Variants in BBS7 observed in about 807,000 individuals in gnomAD.
BBS7 encodes the protein Bardet-Biedl syndrome 7, also known as BBSome complex member BBS7.
A neutral mutation model predicts 90.3 loss-of-function variants in BBS7; 50 were observed. The ratio of observed to expected loss-of-function variants is 0.55; its 90% CI spans 0.44 to 0.70. The LOEUF (loss-of-function observed/expected upper bound fraction) is 0.70. Ranked by LOEUF, BBS7 falls within the 30% of genes least tolerant of loss-of-function variation. The probability of loss-of-function intolerance (pLI) is 0.00; values close to 1 mark genes in which losing one functional copy is unlikely to be tolerated. For synonymous variants in BBS7, 235 were observed against 287.4 expected, an observed-to-expected ratio of 0.82 and a Z score of 1.85; for missense variants, 729 against 838.9, an observed-to-expected ratio of 0.87 and a Z score of 1.62.
At chr4:121,862,200 T>C (rs1411255926) in intron 3 of BBS7, among the ~76,000 whole-genome samples, 1 of 152,206 alleles carries the variant, frequency 6.6e-6, no homozygotes, top group Non-Finnish European at 1.5e-5. Context: ...TTTTAATAGT[T>C]AAAGGACTAT....
chr4:121,851,436 AAGGGAGGG>A (rs1020490640), intron 8 of BBS7, among the ~76,000 whole-genome samples: 1 of 137,594 alleles, frequency 7.3e-6, no homozygotes, highest in African/African-American at 2.6e-5. Flanking sequence ...GGAAGGAGGG[AAGGGAGGG>A]AGGGAGGGGA....
At chr4:121,869,267 G>C (rs866445675) in intron 1 of BBS7, among the ~76,000 whole-genome samples, 1 of 152,214 alleles carries the variant, frequency 6.6e-6, no homozygotes, top group Admixed American at 6.5e-5. Flanking sequence ...CTAAAAATAT[G>C]ATGAGGAATT....
In BBS7 at chr4:121,848,833, AT is replaced by A; in HGVS notation, c.934+10del. On this transcript the variant is annotated intron_variant, in intron 9 of 18. Transcript: ENST00000264499. Reference sequence around the variant, plus strand: ...ACTCTTTCTTCAATTACCTATTATCATTTACTTTACCTGAATATGTGGACAC... The same window carrying A: ...ACTCTTTCTTCAATTACCTATTATCATTACTTTACCTGAATATGTGGACAC... The A allele has an allele frequency of 6.2e-7, 1 of 1,607,664 alleles. No homozygotes were observed.
chr4:121,852,451 T>G (rs1319416932), intron 8 of BBS7, among the ~76,000 whole-genome samples: 1 of 152,170 alleles, frequency 6.6e-6, no homozygotes, highest in Non-Finnish European at 1.5e-5. Context: ...TGAGTTTAAT[T>G]ACATTTAAAA....
intron 8 of BBS7, among the ~76,000 whole-genome samples, chr4:121,849,838 T>TA (rs543871521): frequency 2.0e-5 from 3 of 151,384 alleles, no homozygotes; most frequent in East Asian, 1.9e-4. Flanking sequence ...AAAATAAAAA[T>TA]AAAAAAAAAT....
chr4:121,835,393 A>T lies in BBS7; in HGVS notation c.1372-110T>A. Reference sequence around the variant, plus strand: ...ACTTAAAATTCACTAATATGTGAAGACCTAATTTAAGAGGAGTTGGAAAGC... The same window carrying T: ...ACTTAAAATTCACTAATATGTGAAGTCCTAATTTAAGAGGAGTTGGAAAGC... On this transcript the variant is annotated intron_variant, in intron 13 of 18. Coordinates refer to ENST00000264499, the MANE Select transcript of BBS7 (RefSeq NM_176824.3). 5.4e-6 allele frequency: 7 copies of T among 1,297,826 alleles called. No homozygotes were observed. The South Asian group carries it at 9.2e-5, about 17-fold the overall frequency. 80.4% of individuals were successfully genotyped at this position (1,297,826 alleles called of 1,614,324 possible).
At chr4:121,828,007 G>T in intron 18 of BBS7, 139 bp downstream of exon 18, 1 of 1,485,108 alleles carries the variant, frequency 6.7e-7, no homozygotes, top group Non-Finnish European at 8.9e-7. Context: ...TAAATTTGTT[G>T]TCAACTGATT....
chr4:121,846,409 A>C (rs1726014017), intron 10 of BBS7, among the ~76,000 whole-genome samples: 1 of 152,188 alleles, frequency 6.6e-6, no homozygotes, highest in South Asian at 2.1e-4. Context: ...TAATGAACAA[A>C]GGAAAAGATT....
intron 5 of BBS7, 114 bp downstream of exon 5, chr4:121,858,878 A>G: frequency 1.0e-6 from 1 of 967,714 alleles, no homozygotes; most frequent in Non-Finnish European, 1.5e-6. Flanking sequence ...AATTGTTTCC[A>G]CATGTTTATA....
intron 4 of BBS7, among the ~76,000 whole-genome samples, chr4:121,859,389 C>T (rs1274366430): frequency 2.0e-5 from 3 of 151,910 alleles, no homozygotes; most frequent in Non-Finnish European, 2.9e-5. Flanking sequence ...GTTAAGGCCT[C>T]GGGCTTCTCA....
At chr4:121,854,847 ATATTT>A (rs1433968001) in intron 6 of BBS7, 27 bp from the exon 7 acceptor site, 21 of 1,587,792 alleles carry the variant, frequency 1.3e-5, no homozygotes, top group Admixed American at 1.7e-5. Context: ...TCAACATATT[ATATTT>A]ATCCTACAAT....
At chr4:121,848,656 T>C (rs1221724773) in intron 9 of BBS7, among the ~76,000 whole-genome samples, 188 bp downstream of exon 9, 2 of 152,214 alleles carry the variant, frequency 1.3e-5, no homozygotes, top group African/African-American at 4.8e-5. Flanking sequence ...GGAAAAAATA[T>C]AATATATATA....
intron 1 of BBS7, among the ~76,000 whole-genome samples, chr4:121,869,032 T>G (rs1423954625): frequency 6.6e-6 from 1 of 152,154 alleles, no homozygotes; most frequent in Non-Finnish European, 1.5e-5. Context: ...GAGATGAAGC[T>G]GGAGTTCAGG....
chr4:121,828,818 A>G, intron 15 of BBS7, 90 bp from the exon 16 acceptor site: 1 of 798,138 alleles, frequency 1.3e-6, no homozygotes, highest in South Asian at 1.9e-5. Flanking sequence ...TAGAGTATAG[A>G]TTTCATTTGA....
Position 121,833,327 on chromosome 4 carries a change from C to CA in BBS7, c.1579dup (p.Cys527LeufsTer4), listed in dbSNP as rs751454645. On this transcript the variant is annotated frameshift_variant, in exon 15 of 19. Transcript: ENST00000264499. LOFTEE classifies it high-confidence loss of function. ...AGGTTTTTCTGGAACTTCAGGCAGA[C>CA]AAAAAACCACCCAGGAGTGAACTTC... 2 of 1,613,888 alleles carry CA rather than the reference C, an allele frequency of 1.2e-6. No homozygotes were observed. The highest frequency in any genetic ancestry group is 1.1e-5 in the South Asian group (1 of 91,086).
intron 14 of BBS7, among the ~76,000 whole-genome samples, chr4:121,833,850 T>A (rs28678295): frequency 6.6e-6 from 1 of 152,066 alleles, no homozygotes; most frequent in African/African-American, 2.4e-5. Flanking sequence ...GCCCTCATTT[T>A]AAAAAAGCTT....
chr4:121,840,763 T>C (rs1725696452), intron 12 of BBS7, among the ~76,000 whole-genome samples: 1 of 151,960 alleles, frequency 6.6e-6, no homozygotes, highest in Non-Finnish European at 1.5e-5. Context: ...TAATATAAAA[T>C]ATAAAACTCA....
chr4:121,861,103 C>A (rs1264442910), intron 4 of BBS7, among the ~76,000 whole-genome samples: 5 of 152,148 alleles, frequency 3.3e-5, no homozygotes, highest in Non-Finnish European at 7.4e-5. Flanking sequence ...TAGAGTCTTA[C>A]CTGATATACC....
intron 13 of BBS7, among the ~76,000 whole-genome samples, chr4:121,836,723 G>A (rs1024956477): frequency 9.9e-5 from 15 of 152,018 alleles, no homozygotes; most frequent in African/African-American, 3.6e-4. Context: ...TCCCCCAAAG[G>A]AGCTAATATC....
Sources: allele counts gnomAD v4.1 joint callset (sites outside exome capture counted in the v4.1 genomes callset), GRCh38; gene constraint gnomAD v4.1.1; transcripts MANE v1.5; gene names NCBI Gene and HGNC (gene_info 2026-07-23, HGNC 2026-07-21).